Variants in HEXB observed in about 807,000 individuals in gnomAD.
HEXB encodes hexosaminidase subunit beta.
HEXB carries 51 observed loss-of-function variants against 71.2 expected under a neutral mutation model. That is an observed-to-expected ratio of 0.72 (90% confidence interval 0.57 to 0.90). HEXB has a LOEUF of 0.90. Among genes scored for constraint, HEXB ranks in the 40% least tolerant of loss-of-function variants. The pLI, the probability that HEXB is intolerant of heterozygous loss-of-function variation, is 0.00. For missense variants in HEXB, 617 were observed against 677.0 expected, an observed-to-expected ratio of 0.91 and a Z score of 0.98; for synonymous variants, 266 against 249.3, an observed-to-expected ratio of 1.07 and a Z score of -0.63.
intron 1 of HEXB, among the ~76,000 whole-genome samples, chr5:74,675,819 A>G (rs1748620346): frequency 6.6e-6 from 1 of 152,238 alleles, no homozygotes; most frequent in Non-Finnish European, 1.5e-5. Context: ...AGGTGGTGGT[A>G]TAAGCAGCAA....
rs943395197 is a variant in HEXB, at chr5:74,652,237, C to T, written c.-377+11679C>T. Among the ~76,000 whole-genome samples the T allele has an allele frequency of 2.6e-5, 4 of 152,200 alleles. No individual in the cohort carries two copies. The highest frequency in any genetic ancestry group is 2.6e-4 in the Admixed American group (4 of 15,286). ...CAGGAGGTAGATACTATCATTATCTCCATTTTGCTCATGAGGAAACAGGGG... is the reference window on the plus strand; with the variant it reads ...CAGGAGGTAGATACTATCATTATCTTCATTTTGCTCATGAGGAAACAGGGG... On this transcript the variant is annotated intron_variant, in intron 1 of 13. Transcript: ENST00000511181. This position sits in a 1 kb window ranked among gnomAD's most constrained non-coding sequence, Gnocchi z 5.4.
chr5:74,658,202 G>A (rs62368209), intron 1 of HEXB, among the ~76,000 whole-genome samples: 1 of 152,152 alleles, frequency 6.6e-6, no homozygotes, highest in Non-Finnish European at 1.5e-5. Context: ...TGGTGAGAAG[G>A]AAAATGGGCC....
intron 1 of HEXB, among the ~76,000 whole-genome samples, chr5:74,663,701 A>G (rs2454846): frequency 0.26 from 39,097 of 152,224 alleles, 5,240 homozygotes; most frequent in Non-Finnish European, 0.29. Context: ...AAATAGATCA[A>G]TCCTATCCAT....
At chr5:74,719,725 T>G (rs1749772274) in intron 11 of HEXB, among the ~76,000 whole-genome samples, 1 of 152,062 alleles carries the variant, frequency 6.6e-6, no homozygotes, top group African/African-American at 2.4e-5. Flanking sequence ...AGGTGGATCA[T>G]GAGGTCAGGA....
chr5:74,653,254 A>G (rs1486340197), intron 1 of HEXB, among the ~76,000 whole-genome samples: 2 of 152,344 alleles, frequency 1.3e-5, no homozygotes, highest in East Asian at 3.9e-4. Context: ...ATTTTTACAA[A>G]ATGATCAATT....
chr5:74,685,558 C>A lies in HEXB; in HGVS notation c.298C>A (p.Arg100=). The change falls in exon 1 of 14, where the codon CGA becomes AGA. Residue 100 remains arginine, a splice_region_variant and synonymous_variant. Transcript: ENST00000261416. ...SCTLLEEAFR[R]YHGYIFGFYK... ...CACCCTGCTGGAGGAAGCGTTTCGA[C>A]GGTGAGCGCTCCCGGCCCGGCCGGG... 6.5e-7 allele frequency: 1 copy of A among 1,547,346 alleles called. No individual in the cohort carries two copies. The highest frequency in any genetic ancestry group is 1.2e-5 in the South Asian group (1 of 83,796).
chr5:74,717,582 G>T (rs1373451952), intron 9 of HEXB, among the ~76,000 whole-genome samples: 3 of 151,454 alleles, frequency 2.0e-5, no homozygotes, highest in Admixed American at 6.6e-5. Context: ...AGAGAGTAAA[G>T]ATTTTAGGCT....
At chr5:74,662,916 C>T (rs1748354481) in intron 1 of HEXB, among the ~76,000 whole-genome samples, 1 of 152,200 alleles carries the variant, frequency 6.6e-6, no homozygotes, top group African/African-American at 2.4e-5. Flanking sequence ...AATTACTAAA[C>T]TGGCTAAGTG....
chr5:74,712,976 T>C (rs976396205), intron 6 of HEXB, among the ~76,000 whole-genome samples: 1 of 152,144 alleles, frequency 6.6e-6, no homozygotes, highest in Non-Finnish European at 1.5e-5. Context: ...TTCAAGCTTA[T>C]AGTAATTCAA....
chr5:74,661,890 C>A (rs1014133818), intron 1 of HEXB, among the ~76,000 whole-genome samples: 1 of 152,206 alleles, frequency 6.6e-6, no homozygotes, highest in Non-Finnish European at 1.5e-5. Context: ...GAGTCTTGAG[C>A]AGCCTGGCCA....
In HEXB at chr5:74,641,861, T is replaced by G. The variant is rs1047806665; in HGVS notation, c.-377+1303T>G. 5.1e-4 allele frequency among the ~76,000 whole-genome samples: 78 copies of G among 152,258 alleles called. 1 individual carries two copies. The highest frequency in any genetic ancestry group is 1.8e-3 in the African/African-American group (74 of 41,546). On this transcript the variant is annotated intron_variant, in intron 1 of 13. Coordinates refer to the HEXB transcript ENST00000511181. This position sits in a 1 kb window ranked among gnomAD's most constrained non-coding sequence, Gnocchi z 4.1. ...CGGTCCAGCCCCCTTGTTTTACAGG[T>G]GGGGAACCGAGGCCCAGGGAGATGT...
intron 1 of HEXB, among the ~76,000 whole-genome samples, chr5:74,664,448 A>AAAAAAAAAAACC (rs756960235): frequency 1.6e-5 from 2 of 126,540 alleles, no homozygotes; most frequent in Non-Finnish European, 3.3e-5. Context: ...AAAAAAAAAA[A>AAAAAAAAAAACC]AAAAACAGAG....
intron 6 of HEXB, among the ~76,000 whole-genome samples, chr5:74,709,906 A>T (rs957375510): frequency 1.1e-4 from 16 of 151,940 alleles, no homozygotes; most frequent in Non-Finnish European, 2.1e-4. Context: ...CAATCAATAG[A>T]AAAAGAGGGA....
chr5:74,718,469 T>C, intron 10 of HEXB, 106 bp downstream of exon 10: 3 of 899,770 alleles, frequency 3.3e-6, no homozygotes, highest in Non-Finnish European at 5.6e-6. Flanking sequence ...CTTTCTAGTG[T>C]AGTTAGTGAC....
chr5:74,658,279 G>A (rs1748255517), intron 1 of HEXB, among the ~76,000 whole-genome samples: 1 of 152,176 alleles, frequency 6.6e-6, no homozygotes, highest in Non-Finnish European at 1.5e-5. Context: ...GTCCCTGATG[G>A]CCTCTCTTAC....
At chr5:74,668,582 G>A (rs543692271) in intron 1 of HEXB, among the ~76,000 whole-genome samples, 145 of 152,194 alleles carry the variant, frequency 9.5e-4, no homozygotes, top group Non-Finnish European at 1.7e-3. Flanking sequence ...ACCCTGCAGC[G>A]TTGTTATAAG....
At chr5:74,684,228 G>C (rs1748796590), upstream of HEXB, among the ~76,000 whole-genome samples, 1 of 152,160 alleles carries the variant, frequency 6.6e-6, no homozygotes, top group South Asian at 2.1e-4. Context: ...TTCTCCTTCT[G>C]GTAAGAGAAC....
chr5:74,645,974 G>A (rs73762927), intron 1 of HEXB, among the ~76,000 whole-genome samples: 2,845 of 151,036 alleles, frequency 0.019, 90 homozygotes, highest in African/African-American at 0.066. Flanking sequence ...TAACAGTTAT[G>A]TGATTAAGAG....
At chr5:74,644,295 C>G (rs1747960596) in intron 1 of HEXB, among the ~76,000 whole-genome samples, 1 of 152,214 alleles carries the variant, frequency 6.6e-6, no homozygotes, top group Non-Finnish European at 1.5e-5. Context: ...CTACATCACC[C>G]AGTTGCTGAA....
Sources: gnomAD v4.1 joint callset for allele counts (sites outside exome capture counted in the v4.1 genomes callset) on GRCh38, gnomAD v4.1.1 for gene constraint, Gnocchi (gnomAD v3.1) non-coding constraint, MANE v1.5 for transcripts, NCBI Gene and HGNC (gene_info 2026-07-23, HGNC 2026-07-21) for gene names.